Variants in ZNF568 observed in about 807,000 individuals in gnomAD.
The protein encoded by ZNF568 is p53 inhibitor of SCO2 activation.
In ZNF568, 11 loss-of-function variants were observed where a neutral mutation model predicts 18.1. The ratio of observed to expected loss-of-function variants is 0.61; its 90% CI spans 0.38 to 1.00. ZNF568 has a LOEUF of 1.00. Ranked by LOEUF, ZNF568 falls within the 50% of genes least tolerant of loss-of-function variation. The pLI is 0.01. For missense variants in ZNF568, 639 were observed against 768.2 expected (o/e 0.83, Z 1.99); for synonymous variants, 213 against 246.6 (o/e 0.86, Z 1.28).
downstream of ZNF568, among the ~76,000 whole-genome samples, chr19:36,953,722 G>A (rs2074086378): frequency 6.6e-6 from 1 of 151,956 alleles, no homozygotes; most frequent in Non-Finnish European, 1.5e-5. Flanking sequence ...GACCAGTCTG[G>A]TCAACAGGAT....
At chr19:36,974,383 G>T (rs1383509419) in intron 6 of ZNF568, 2 of 1,534,022 alleles carry the variant, frequency 1.3e-6, no homozygotes, top group South Asian at 2.4e-5. Context: ...AGGGATTCAG[G>T]ATGGCTTCTT....
intron 6 of ZNF568, among the ~76,000 whole-genome samples, chr19:36,958,560 T>A (rs1294218114): frequency 6.6e-6 from 1 of 151,934 alleles, no homozygotes; most frequent in Admixed American, 6.6e-5. Context: ...ATATGCTTTA[T>A]ACGCTTTTAT....
intron 1 of ZNF568, among the ~76,000 whole-genome samples, chr19:36,917,119 C>G (rs910901029): frequency 7.2e-5 from 11 of 152,172 alleles, no homozygotes; most frequent in Non-Finnish European, 1.3e-4. Context: ...TCCTTACTCT[C>G]CTGTTCACAG....
intron 4 of ZNF568, among the ~76,000 whole-genome samples, chr19:36,933,138 T>C (rs1019793652): frequency 1.7e-5 from 2 of 116,992 alleles, no homozygotes; most frequent in Admixed American, 2.5e-4. Context: ...CTATGTATTC[T>C]GAGACCTTTT....
chr19:36,987,822 C>CTGTGTGTGTGTGTGTGTGTGTGTG lies in ZNF568; in HGVS notation c.10-3348_10-3325dup, dbSNP rs56000710. On this transcript the variant is annotated intron_variant, in intron 2 of 4. Coordinates refer to the ZNF568 transcript ENST00000433993. ...CTCAGAGAGAAAGAAAACACAGACTCTGTGTGTGTGTGTGTGTGTGTGTGT... is the reference window on the plus strand; with the variant it reads ...CTCAGAGAGAAAGAAAACACAGACTCTGTGTGTGTGTGTGTGTGTGTGTGTGTGTGTGTGTGTGTGTGTGTGTGT... 2.9e-3 allele frequency among the ~76,000 whole-genome samples: 419 copies of CTGTGTGTGTGTGTGTGTGTGTGTG among 146,396 alleles called. 2 individuals carry two copies. The highest frequency in any genetic ancestry group is 0.012 in the East Asian group (54 of 4,646).
chr19:36,991,713 A>G (rs1262768362), intron 3 of ZNF568: 2 of 1,489,742 alleles, frequency 1.3e-6, no homozygotes, highest in Non-Finnish European at 1.8e-6. Context: ...TAATTCTGAC[A>G]CCCACAACAA....
At chr19:36,975,681 CTTTTT>C (rs1193440344) in intron 7 of ZNF568, among the ~76,000 whole-genome samples, 11 of 75,802 alleles carry the variant, frequency 1.5e-4, no homozygotes, top group Admixed American at 3.7e-4. Context: ...CGCGCCAAGA[CTTTTT>C]TTTTTTTTTT....
chr19:36,934,422 C>T (rs2073754084), intron 4 of ZNF568, among the ~76,000 whole-genome samples: 1 of 151,572 alleles, frequency 6.6e-6, no homozygotes, highest in African/African-American at 2.4e-5. Flanking sequence ...GATCCTGCCA[C>T]TTCAGCCCGG....
At chr19:36,981,117 C>A (rs1254632130), downstream of ZNF568, among the ~76,000 whole-genome samples, 5 of 152,206 alleles carry the variant, frequency 3.3e-5, no homozygotes, top group Non-Finnish European at 7.3e-5. Flanking sequence ...ACTTCAGTGG[C>A]AGTTCTGTCA....
At chr19:36,933,924 G>GTTTTTTTTTTTTTTTTTTTTTTTTTT (rs140279289) in intron 4 of ZNF568, among the ~76,000 whole-genome samples, 20 of 29,886 alleles carry the variant, frequency 6.7e-4, no homozygotes, top group Admixed American at 1.5e-3. Context: ...TTGTTTTTTT[G>GTTTTTTTTTTTTTTTTTTTTTTTTTT]TTTTTTTTTT....
chr19:36,927,014 ATAGT>A (rs2073567524), intron 4 of ZNF568, among the ~76,000 whole-genome samples: 1 of 152,210 alleles, frequency 6.6e-6, no homozygotes, highest in East Asian at 1.9e-4. Context: ...TTTTGTAATA[ATAGT>A]TTTTTCTGTA....
chr19:36,996,379 TCAC>T, exon 5 of ZNF568: 1 of 1,535,634 alleles, frequency 6.5e-7, no homozygotes, highest in African/African-American at 1.4e-5. Context: ...TGAAATTAGA[TCAC>T]CACAACAGGA....
At chr19:36,921,372 A>G (rs771326325) in intron 2 of ZNF568, among the ~76,000 whole-genome samples, 5 of 152,108 alleles carry the variant, frequency 3.3e-5, no homozygotes, top group Non-Finnish European at 5.9e-5. Flanking sequence ...AAGCCAGGAG[A>G]ATCACTTAAA....
chr19:36,928,339 A>T (rs2073620475), intron 4 of ZNF568, among the ~76,000 whole-genome samples: 1 of 152,130 alleles, frequency 6.6e-6, no homozygotes, highest in Non-Finnish European at 1.5e-5. Flanking sequence ...TTAACTCAGA[A>T]CCTGTGATTT....
At chr19:36,925,065 G>A (rs1159173581) in intron 3 of ZNF568, 135 bp from the exon 4 acceptor site, 3 of 701,240 alleles carry the variant, frequency 4.3e-6, no homozygotes, top group Non-Finnish European at 7.5e-6. Flanking sequence ...TCTATAGCTA[G>A]ATGGCAGTTA....
In ZNF568 at chr19:36,996,773, A is replaced by G. The variant is rs780866656; in HGVS notation, c.686A>G (p.Asn229Ser). ...GGAATTACTCAACCTCAGAGCATTA[A>G]TACTGGAGAGAAACCTCATAAATGT... Residue 229 changes from asparagine to serine, a missense_variant, in exon 5 of 5, where the codon AAT becomes AGT. Asn to Ser is a conservative substitution (Grantham distance 46). Coordinates refer to the ZNF568 transcript ENST00000433993. The G allele has an allele frequency of 1.0e-5, 16 of 1,549,636 alleles. No individual in the cohort carries two copies. In the Admixed American group the frequency reaches 3.1e-4, roughly 30 times the overall value.
intron 6 of ZNF568, among the ~76,000 whole-genome samples, chr19:36,945,210 A>AGT (rs10616521): frequency 0.14 from 19,584 of 141,730 alleles, 1,482 homozygotes; most frequent in East Asian, 0.42. Flanking sequence ...CAGAGAGAGA[A>AGT]GTGTGTGTGT....
chr19:36,957,194 G>GC (rs1405922471), downstream of ZNF568, among the ~76,000 whole-genome samples: 3 of 146,444 alleles, frequency 2.0e-5, no homozygotes, highest in Non-Finnish European at 4.5e-5. Flanking sequence ...CAATCTCAAG[G>GC]CCCCCTAGGG....
At chr19:36,940,018 G>A (rs1049173246) in intron 6 of ZNF568, among the ~76,000 whole-genome samples, 1 of 151,988 alleles carries the variant, frequency 6.6e-6, no homozygotes, top group African/African-American at 2.4e-5. Context: ...TTCTTCCTTG[G>A]TTCTGGTTTA....
Sources: allele counts gnomAD v4.1 joint callset (sites outside exome capture counted in the v4.1 genomes callset), GRCh38; gene constraint gnomAD v4.1.1; transcripts MANE v1.5; gene names NCBI Gene and HGNC (gene_info 2026-07-23, HGNC 2026-07-21).